The following CKAP5 variants were observed in gnomAD, a reference collection of about 807,000 sequenced individuals.
The protein encoded by CKAP5 is cytoskeleton-associated protein 5.
In CKAP5, 27 loss-of-function variants were observed where a neutral mutation model predicts 232.8. The observed-to-expected ratio is 0.12, with a 90% confidence interval of 0.09 to 0.16. The LOEUF is 0.16. CKAP5 is among the 10% of genes least tolerant of loss of function. The pLI is 1.00. For synonymous variants in CKAP5, 785 were observed against 841.1 expected (o/e 0.93, Z 1.16); for missense variants, 1,838 against 2,424.7 (o/e 0.76, Z 5.08).
chr11:46,772,909 T>C (rs1460794498), intron 24 of CKAP5, among the ~76,000 whole-genome samples: 3 of 151,976 alleles, frequency 2.0e-5, no homozygotes, highest in Non-Finnish European at 4.4e-5. Flanking sequence ...ACCCAGCTAA[T>C]TTTTGTATTT....
chr11:46,782,722 T>A (rs896762187), intron 18 of CKAP5, among the ~76,000 whole-genome samples: 1 of 152,228 alleles, frequency 6.6e-6, no homozygotes, highest in Non-Finnish European at 1.5e-5. Context: ...ATCTATAAGA[T>A]AGGGATAATA....
intron 28 of CKAP5, 39 bp downstream of exon 28, chr11:46,765,092 C>G (rs373679270): frequency 2.1e-5 from 33 of 1,584,350 alleles, no homozygotes; most frequent in Non-Finnish European, 2.7e-5. Context: ...AATAACAATA[C>G]AAGCAAAAAT....
At chr11:46,825,937 A>G (rs959972846) in intron 1 of CKAP5, among the ~76,000 whole-genome samples, 2 of 152,238 alleles carry the variant, frequency 1.3e-5, no homozygotes, top group East Asian at 3.9e-4. Flanking sequence ...TCTGAGTAGC[A>G]GGTGGCAAAA....
chr11:46,759,701 C>T (rs1474622447), intron 33 of CKAP5, among the ~76,000 whole-genome samples: 1 of 152,172 alleles, frequency 6.6e-6, no homozygotes, highest in Non-Finnish European at 1.5e-5. Context: ...TTCTAGTTCA[C>T]TAAAGCCAAC....
At chr11:46,818,529 C>T in intron 2 of CKAP5, 26 bp from the exon 3 acceptor site, 1 of 1,450,344 alleles carries the variant, frequency 6.9e-7, no homozygotes, top group Non-Finnish European at 9.2e-7. Context: ...TATTTTGAAA[C>T]AAAACATAAT....
At chr11:46,842,584 G>A (rs1940081170) in intron 1 of CKAP5, among the ~76,000 whole-genome samples, 1 of 152,186 alleles carries the variant, frequency 6.6e-6, no homozygotes, top group African/African-American at 2.4e-5. Flanking sequence ...GGGTCTTACA[G>A]ATGCTAATAA....
chr11:46,769,897 T>C (rs2065233719), intron 26 of CKAP5, 66 bp downstream of exon 26: 1 of 1,530,518 alleles, frequency 6.5e-7, no homozygotes, highest in Non-Finnish European at 9.0e-7. Flanking sequence ...AAGACAAGGC[T>C]GAATGTCTTT....
At chr11:46,821,705 G>C (rs1183984784) in intron 1 of CKAP5, among the ~76,000 whole-genome samples, 1 of 151,588 alleles carries the variant, frequency 6.6e-6, no homozygotes, top group East Asian at 1.9e-4. Context: ...TTACAGGCGT[G>C]AGCCACCGCG....
At chr11:46,786,559 T>G (rs1287253463) in intron 16 of CKAP5, among the ~76,000 whole-genome samples, 3 of 152,138 alleles carry the variant, frequency 2.0e-5, no homozygotes, top group Non-Finnish European at 1.5e-5. Flanking sequence ...ACATCTAACA[T>G]CAGAACTGTG....
intron 24 of CKAP5, among the ~76,000 whole-genome samples, chr11:46,772,158 T>C (rs1352575674): frequency 6.6e-6 from 1 of 152,022 alleles, no homozygotes; most frequent in Non-Finnish European, 1.5e-5. Context: ...TTTCTGTTGT[T>C]GTTGTTGTTA....
At chr11:46,841,871 G>A (rs1307378412) in intron 1 of CKAP5, among the ~76,000 whole-genome samples, 1 of 151,790 alleles carries the variant, frequency 6.6e-6, no homozygotes, top group Non-Finnish European at 1.5e-5. Flanking sequence ...TGTGGCTCAC[G>A]CCTGTAATCC....
intron 8 of CKAP5, among the ~76,000 whole-genome samples, chr11:46,801,631 T>C (rs990255401): frequency 2.0e-5 from 3 of 151,842 alleles, no homozygotes; most frequent in East Asian, 1.9e-4. Context: ...GATTGCACCA[T>C]TGCACTCCAG....
chr11:46,791,586 G>C (rs1399423822), intron 13 of CKAP5, among the ~76,000 whole-genome samples: 1 of 151,998 alleles, frequency 6.6e-6, no homozygotes, highest in African/African-American at 2.4e-5. Flanking sequence ...AGGTGGGAGG[G>C]CTGCTTGAGC....
chr11:46,753,044 A>G, intron 37 of CKAP5: 1 of 448,148 alleles, frequency 2.2e-6, no homozygotes, highest in Non-Finnish European at 3.9e-6. Flanking sequence ...TGGCTGGCTA[A>G]CTAAGTATTT....
chr11:46,814,362 T>A (rs1161008552), intron 4 of CKAP5, among the ~76,000 whole-genome samples: 1 of 152,088 alleles, frequency 6.6e-6, no homozygotes, highest in Admixed American at 6.6e-5. Context: ...TCTAAGCAAG[T>A]CAAATTTTAT....
intron 20 of CKAP5, among the ~76,000 whole-genome samples, chr11:46,778,981 G>C (rs1321044558): frequency 6.6e-6 from 1 of 152,136 alleles, no homozygotes; most frequent in Non-Finnish European, 1.5e-5. Context: ...TGAGGAGGCT[G>C]AGGCAGGAGA....
chr11:46,787,339 A>G (rs2065404877), intron 16 of CKAP5, among the ~76,000 whole-genome samples: 1 of 152,126 alleles, frequency 6.6e-6, no homozygotes, highest in Non-Finnish European at 1.5e-5. Flanking sequence ...AAGAGAAACC[A>G]AAAAGAGACT....
chr11:46,813,024 C>T (rs969064123), intron 4 of CKAP5, among the ~76,000 whole-genome samples: 1 of 152,096 alleles, frequency 6.6e-6, no homozygotes, highest in African/African-American at 2.4e-5. Context: ...ACAATCATAG[C>T]TCACAGCAGC....
chr11:46,816,082 C>T (rs80341157), intron 4 of CKAP5, 116 bp downstream of exon 4: 7 of 756,600 alleles, frequency 9.3e-6, no homozygotes, highest in Admixed American at 7.2e-5. Context: ...ACGACCCCCC[C>T]ATCCCCCCAA....
Sources: allele counts gnomAD v4.1 joint callset (sites outside exome capture counted in the v4.1 genomes callset), GRCh38; gene constraint gnomAD v4.1.1; transcripts MANE v1.5; gene names NCBI Gene and HGNC (gene_info 2026-07-23, HGNC 2026-07-21).